RAD51AP2: variants seen among roughly 807,000 people sequenced by gnomAD.
RAD51AP2 encodes RAD51 associated protein 2, also known as RAD51-associated protein 2.
A neutral mutation model predicts 85.5 loss-of-function variants in RAD51AP2; 67 were observed. That is an observed-to-expected ratio of 0.78 (90% CI 0.64 to 0.96). RAD51AP2 has a LOEUF of 0.96. Among genes scored for constraint, RAD51AP2 ranks in the 40% least tolerant of loss-of-function variants. The probability of loss-of-function intolerance (pLI) is 0.00; values close to 1 mark genes in which losing one functional copy is unlikely to be tolerated. For missense variants in RAD51AP2, 1,307 were observed against 1,332.4 expected (o/e 0.98, Z 0.30); for synonymous variants, 474 against 446.5 (o/e 1.06, Z -0.78).
the RAD51AP2 span, among the ~76,000 whole-genome samples, chr2:17,528,226 G>T: frequency 1.9e-4 from 29 of 152,162 alleles, no homozygotes; most frequent in African/African-American, 6.3e-4. Flanking sequence ...TTTTACTCAG[G>T]TTTGTTGTCA....
rs1662464272 is a variant in RAD51AP2 at position 17,510,671 on chromosome 2, AATTTAT to A, written c.*127_*132del. Reference sequence around the variant, plus strand: ...TTATAACTTTGAAAGGTAATACCATAATTTATACACTCAAAAAAAAAAACTTCTCCA... The same window carrying A: ...TTATAACTTTGAAAGGTAATACCATAACACTCAAAAAAAAAAACTTCTCCA... On this transcript the variant is annotated 3_prime_UTR_variant, in exon 3 of 3. Transcript: ENST00000399080. 4.1e-6 allele frequency: 2 copies of A among 483,054 alleles called. No homozygotes were observed. Among genetic ancestry groups the A allele is most frequent in the Admixed American group, 9.3e-5 (2 of 21,440 alleles). The allele number at this position is 483,054 out of a possible 1,614,324, so 29.9% of individuals were successfully genotyped here.
In RAD51AP2 at chr2:17,515,417, T is replaced by C. The variant is rs2103307892; in HGVS notation, c.2999A>G (p.Tyr1000Cys). 1 of 1,612,426 alleles carries C rather than the reference T, an allele frequency of 6.2e-7. No individual in the cohort carries two copies. The highest frequency in any genetic ancestry group is 8.5e-7 in the Non-Finnish European group (1 of 1,179,642). ...CTTCTCAGCATCATTTTCTCCAAAG[T>C]AATTTTCTTGCCCATTGTTTGTTTC... ...TVETNNGQEN[Y>C]FGENDAEKVK... is the part of the protein sequence containing the mutation. The change falls in exon 1 of 3, where the codon TAC (tyrosine) becomes TGC (cysteine). Residue 1000 changes from tyrosine to cysteine, a missense_variant. Physicochemically the swap from Tyr to Cys is radical, Grantham distance 194. This residue lies in a region of RAD51AP2 where 668 missense variants were observed against 671.0 expected (regional missense o/e 1.00). Coordinates refer to ENST00000399080, the MANE Select transcript of RAD51AP2 (RefSeq NM_001099218.3).
upstream of RAD51AP2, among the ~76,000 whole-genome samples, chr2:17,520,130 CA>C (rs1558268747): frequency 6.6e-6 from 1 of 152,074 alleles, no homozygotes; most frequent in East Asian, 1.9e-4. Context: ...TGTAACTCAA[CA>C]ATTGTTTGAC....
upstream of RAD51AP2, among the ~76,000 whole-genome samples, chr2:17,518,749 T>C (rs1177365306): frequency 2.6e-5 from 4 of 151,800 alleles, no homozygotes; most frequent in Non-Finnish European, 5.9e-5. Context: ...TTCCCTGTGG[T>C]AGAACGAAGG....
intron 2 of RAD51AP2, among the ~76,000 whole-genome samples, chr2:17,512,031 T>C (rs1662507482): frequency 6.6e-6 from 1 of 152,150 alleles, no homozygotes. Flanking sequence ...AAATGATATA[T>C]AAAGCGCCAG....
In RAD51AP2 at chr2:17,516,891, A is replaced by T; in HGVS notation, c.1525T>A (p.Phe509Ile). The change falls in exon 1 of 3, where the codon TTC becomes ATC. Residue 509 changes from phenylalanine (F) to isoleucine (I), a missense_variant. Phe to Ile is a conservative substitution (Grantham distance 21, BLOSUM62 0). This residue lies in a region of RAD51AP2 where 635 missense variants were observed against 643.6 expected (regional missense o/e 0.99). Transcript: ENST00000399080. ...TGGAAATAAAAAATTTCTATAATGAAACTTTCAAAAGGGTTGTTCACATGA... is the reference window on the plus strand; with the variant it reads ...TGGAAATAAAAAATTTCTATAATGATACTTTCAAAAGGGTTGTTCACATGA... ...VFHVNNPFES[F>I]IIEIFYFHKS... 6.3e-7 allele frequency: 1 copy of T among 1,577,952 alleles called. No individual in the cohort carries two copies. The highest frequency in any genetic ancestry group is 1.2e-5 in the South Asian group (1 of 84,896).
Position 17,517,650 on chromosome 2 carries a change from T to G in RAD51AP2, c.766A>C (p.Thr256Pro). 1.2e-6 allele frequency: 2 copies of G among 1,614,136 alleles called. No individual in the cohort carries two copies. Among genetic ancestry groups the G allele is most frequent in the Middle Eastern group, 1.6e-4 (1 of 6,062 alleles). The part of the protein sequence containing the change: ...AKPSYFRDSG[T>P]ISVPQFPMDL... ...ATTGGAAACTGAGGGACACTTATTG[T>G]GCCGCTATCTCTAAAATAGCTAGGT... The change falls in exon 1 of 3, where the codon ACA (threonine) becomes CCA (proline). Residue 256 changes from threonine to proline, a missense_variant. Physicochemically the swap from Thr to Pro is conservative, Grantham distance 38. This residue lies in a region of RAD51AP2 where 635 missense variants were observed against 643.6 expected (regional missense o/e 0.99). Transcript: ENST00000399080.
chr2:17,513,644 AG>A (rs1453401437), intron 2 of RAD51AP2, among the ~76,000 whole-genome samples: 1 of 152,316 alleles, frequency 6.6e-6, no homozygotes, highest in African/African-American at 2.4e-5. Context: ...TCCACATAAA[AG>A]CTTCATAACA....
intron 2 of RAD51AP2, among the ~76,000 whole-genome samples, chr2:17,512,190 A>T (rs1218457394): frequency 6.6e-6 from 1 of 152,214 alleles, no homozygotes; most frequent in Non-Finnish European, 1.5e-5. Context: ...GAGAAGAGGC[A>T]TCATGATGGC....
chr2:17,518,002 A>G lies in RAD51AP2; in HGVS notation c.414T>C (p.His138=). 1 of 1,614,196 alleles carries G rather than the reference A, an allele frequency of 6.2e-7. No individual in the cohort carries two copies. Among genetic ancestry groups the G allele is most frequent in the South Asian group, 1.1e-5 (1 of 91,082 alleles). ...GGTGCACACTGAAAGCCTCTCTGTCATGCAGGCCTGCCTCAGACCTTCCTG... is the reference window on the plus strand; with the variant it reads ...GGTGCACACTGAAAGCCTCTCTGTCGTGCAGGCCTGCCTCAGACCTTCCTG... The part of the protein sequence containing the change: ...RASGRSEAGL[H]DREAFSVHRS... The change falls in exon 1 of 3, where the codon CAT becomes CAC. Residue 138 remains histidine (H), a synonymous_variant. Coordinates refer to ENST00000399080, the MANE Select transcript of RAD51AP2 (RefSeq NM_001099218.3).
Position 17,515,817 on chromosome 2 carries a change from T to C in RAD51AP2, c.2599A>G (p.Met867Val), listed in dbSNP as rs372689828. 1.2e-5 allele frequency: 19 copies of C among 1,606,248 alleles called. No homozygotes were observed. The highest frequency in any genetic ancestry group is 1.6e-4 in the Middle Eastern group (1 of 6,072). The stretch of plus-strand genomic sequence containing the variant: ...GACTGTACAGAAAACATGTCATCCA[T>C]TGGAAAAAAACTATCTTTCTCTTCC... ...EKEEKDSFFP[M>V]DDMFSVQSVS... Residue 867 changes from methionine to valine, a missense_variant, in exon 1 of 3, where the codon ATG (methionine) becomes GTG (valine). By Grantham distance (21) the Met-to-Val change is conservative (BLOSUM62 1). Transcript: ENST00000399080.
At chr2:17,525,836 G>T in the RAD51AP2 span, among the ~76,000 whole-genome samples, 3 of 152,082 alleles carry the variant, frequency 2.0e-5, no homozygotes, top group East Asian at 3.9e-4. Context: ...TAGAATACGG[G>T]CTGCTTGGTT....
At chr2:17,536,256 G>A in the RAD51AP2 span, among the ~76,000 whole-genome samples, 1 of 152,072 alleles carries the variant, frequency 6.6e-6, no homozygotes, top group Non-Finnish European at 1.5e-5. Flanking sequence ...AACTACCGAG[G>A]TCCCCCAAAA....
chr2:17,520,299 G>A (rs1412694470), upstream of RAD51AP2, among the ~76,000 whole-genome samples: 1 of 151,940 alleles, frequency 6.6e-6, no homozygotes, highest in Non-Finnish European at 1.5e-5. Context: ...CTATTTATGT[G>A]GGTTTTTTCC....
At chr2:17,528,844 A>C in the RAD51AP2 span, among the ~76,000 whole-genome samples, 3 of 152,196 alleles carry the variant, frequency 2.0e-5, no homozygotes, top group African/African-American at 7.2e-5. Flanking sequence ...TCCATGTCTC[A>C]AAGAATAAAA....
Position 17,516,620 on chromosome 2 carries a change from T to C in RAD51AP2, c.1796A>G (p.Asn599Ser), listed in dbSNP as rs189506277. 6.4e-7 allele frequency: 1 copy of C among 1,574,284 alleles called. No individual in the cohort carries two copies. Among genetic ancestry groups the C allele is most frequent in the East Asian group, 2.2e-5 (1 of 44,478 alleles). ...NNFDSLTRIE[N>S]DFELEEECIF... ...GCATTCCTCTTCTAATTCAAAATCA[T>C]TTTCAATTCTTGTTAAAGAGTCAAA... The change falls in exon 1 of 3, where the codon AAT becomes AGT. Residue 599 changes from asparagine to serine, a missense_variant. Asn to Ser is a conservative substitution (Grantham distance 46). Around this residue, in one of 3 missense-constraint regions of RAD51AP2, gnomAD observed 668 missense variants for 671.0 expected, o/e 1.00. Transcript: ENST00000399080.
At position 17,516,725 on chromosome 2, in the gene RAD51AP2, A is replaced by C; in HGVS notation, c.1691T>G (p.Leu564Ter). Residue 564 changes from leucine to a stop codon, truncating the protein, a stop_gained, in exon 1 of 3, where the codon TTA becomes TGA. Transcript: ENST00000399080. LOFTEE classifies it high-confidence loss of function. ...NMNTNIKNGILSIYLQDSVSE... is the reference protein window; with the variant it reads ...NMNTNIKNGI The stretch of plus-strand genomic sequence containing the variant: ...AACACTATCTTGTAAATATATGCTT[A>C]AAATTCCATTCTTTATATTTGTATT... 6.4e-7 allele frequency: 1 copy of C among 1,574,428 alleles called. No individual in the cohort carries two copies. Among genetic ancestry groups the C allele is most frequent in the South Asian group, 1.2e-5 (1 of 85,334 alleles).
At chr2:17,530,735 T>C in the RAD51AP2 span, among the ~76,000 whole-genome samples, 3 of 152,124 alleles carry the variant, frequency 2.0e-5, no homozygotes, top group East Asian at 1.9e-4. Context: ...TTCTCTTAGA[T>C]TGATAGATCT....
Position 17,518,026 on chromosome 2 carries a change from T to A in RAD51AP2, c.390A>T (p.Ser130=), listed in dbSNP as rs1308956677. Residue 130 remains serine, a synonymous_variant, in exon 1 of 3, where the codon TCA becomes TCT. Coordinates refer to ENST00000399080, the MANE Select transcript of RAD51AP2 (RefSeq NM_001099218.3). Reference sequence around the variant, plus strand: ...CATGCAGGCCTGCCTCAGACCTTCCTGAAGCCCTCAAATCAGAATCAGGAC... The same window carrying A: ...CATGCAGGCCTGCCTCAGACCTTCCAGAAGCCCTCAAATCAGAATCAGGAC... ...SQSPDSDLRA[S]GRSEAGLHDR... 1.2e-6 allele frequency: 2 copies of A among 1,614,056 alleles called. No homozygotes were observed. The highest frequency in any genetic ancestry group is 1.3e-5 in the African/African-American group (1 of 74,926).
Sources: gnomAD v4.1 joint callset for allele counts (sites outside exome capture counted in the v4.1 genomes callset) on GRCh38, gnomAD v4.1.1 for gene constraint, gnomAD v4.1.1 regional missense constraint, MANE v1.5 for transcripts, NCBI Gene and HGNC (gene_info 2026-07-23, HGNC 2026-07-21) for gene names.